Variants in ILDR2 observed in about 807,000 individuals in gnomAD.
ILDR2 encodes the protein immunoglobulin like domain containing receptor 2, also known as immunoglobulin-like domain-containing receptor 2.
In ILDR2, 25 loss-of-function variants were observed where a neutral mutation model predicts 66.8. The ratio of observed to expected loss-of-function variants is 0.37; its 90% CI spans 0.27 to 0.52. ILDR2 has a LOEUF of 0.52. Ranked by LOEUF, ILDR2 falls within the 20% of genes least tolerant of loss-of-function variation. The probability of loss-of-function intolerance (pLI) is 0.88; values close to 1 mark genes in which losing one functional copy is unlikely to be tolerated. For missense variants in ILDR2, 827 were observed against 876.8 expected, an observed-to-expected ratio of 0.94 and a Z score of 0.72; for synonymous variants, 367 against 357.2, an observed-to-expected ratio of 1.03 and a Z score of -0.31.
intron 1 of ILDR2, among the ~76,000 whole-genome samples, chr1:166,961,608 G>C (rs1662623398): frequency 6.6e-6 from 1 of 152,146 alleles, no homozygotes; most frequent in African/African-American, 2.4e-5. Context: ...CAGAATAATA[G>C]TAACTACCTT....
Position 166,936,837 on chromosome 1 carries a change from G to T in ILDR2, c.557-100C>A. 2 of 1,150,344 alleles carry T rather than the reference G, an allele frequency of 1.7e-6. No individual in the cohort carries two copies. Among genetic ancestry groups the T allele is most frequent in the Non-Finnish European group, 2.5e-6 (2 of 793,294 alleles). The allele number at this position is 1,150,344 out of a possible 1,614,324, so 71.3% of individuals were successfully genotyped here. ...CCCGGTGAAAGGGGGAGAGGAGGAG[G>T]GACCTAGGGAAGAAAGCTTCTCTTA... On this transcript the variant is annotated intron_variant, in intron 4 of 9. Transcript: ENST00000271417. The surrounding 1 kb of genome is among the most constrained non-coding windows in gnomAD (Gnocchi z 5.0).
chr1:166,957,876 A>G lies in ILDR2; in HGVS notation c.272T>C (p.Leu91Ser). 1 of 1,614,074 alleles carries G rather than the reference A, an allele frequency of 6.2e-7. No individual in the cohort carries two copies. Residue 91 changes from leucine to serine, a missense_variant, in exon 2 of 10, where the codon TTG (leucine) becomes TCG (serine). Leu to Ser is a moderately radical substitution (Grantham distance 145). Around this residue, in one of 2 missense-constraint regions of ILDR2, gnomAD observed 437 missense variants for 523.2 expected, o/e 0.84. Coordinates refer to ENST00000271417, the MANE Select transcript of ILDR2 (RefSeq NM_199351.3). ...SKRNLEWDPY[L>S]DCLDSRRTVR... ...AGTCCTCCTGCTGTCCAAACAATCC[A>G]AGTAGGGGTCCCATTCCAGGTTTCT...
In ILDR2 at chr1:166,964,184, A is replaced by G. The variant is rs1214633734; in HGVS notation, c.47-6083T>C. Among the ~76,000 whole-genome samples the G allele has an allele frequency of 3.9e-5, 6 of 152,172 alleles. No homozygotes were observed. The East Asian group carries it at 1.2e-3, about 29-fold the overall frequency. On this transcript the variant is annotated intron_variant, in intron 1 of 9. Coordinates refer to ENST00000271417, the MANE Select transcript of ILDR2 (RefSeq NM_199351.3). ...AGAATTCCTCACTAAAAGAAGCACT[A>G]GAATTGAAGACCACAGGTGGTTTTC...
At chr1:166,954,145 G>A (rs1437437824) in intron 3 of ILDR2, among the ~76,000 whole-genome samples, 1 of 152,090 alleles carries the variant, frequency 6.6e-6, no homozygotes, top group East Asian at 1.9e-4. Flanking sequence ...CAATGACTGA[G>A]CCAGTGGTTC....
intron 7 of ILDR2, among the ~76,000 whole-genome samples, chr1:166,923,535 G>A (rs114780393): frequency 0.021 from 3,181 of 152,314 alleles, 58 homozygotes; most frequent in Admixed American, 0.033. Context: ...TTTTCCAGGG[G>A]TATGTGTCCA....
intron 2 of ILDR2, among the ~76,000 whole-genome samples, chr1:166,900,745 A>G (rs1659251242): frequency 6.6e-6 from 1 of 152,202 alleles, no homozygotes; most frequent in Non-Finnish European, 1.5e-5. Context: ...GATTCCTAGG[A>G]CTTATATTAA....
At chr1:166,942,881 T>C (rs1661390222) in intron 3 of ILDR2, among the ~76,000 whole-genome samples, 1 of 152,236 alleles carries the variant, frequency 6.6e-6, no homozygotes, top group Non-Finnish European at 1.5e-5. Flanking sequence ...TAGACTTTTT[T>C]ACTTTTGTAA....
At position 166,960,625 on chromosome 1, in the gene ILDR2, T is replaced by A. The variant is rs562326329; in HGVS notation, c.47-2524A>T. ...CTAATTCTCCCTCACCTTGCCAAACTTTCCCCTCACCTCCCATCCTGAATC... is the reference window on the plus strand; with the variant it reads ...CTAATTCTCCCTCACCTTGCCAAACATTCCCCTCACCTCCCATCCTGAATC... On this transcript the variant is annotated intron_variant, in intron 1 of 9. Transcript: ENST00000271417. Among the ~76,000 whole-genome samples, 12 of 152,240 alleles carry A rather than the reference T, an allele frequency of 7.9e-5. No homozygotes were observed. In the East Asian group the frequency reaches 9.7e-4, roughly 12 times the overall value.
Position 166,921,175 on chromosome 1 carries a change from G to C in ILDR2, c.1416C>G (p.Asp472Glu), listed in dbSNP as rs1479210097. 9.0e-6 allele frequency: 14 copies of C among 1,559,594 alleles called. No individual in the cohort carries two copies. Among genetic ancestry groups the C allele is most frequent in the Non-Finnish European group, 1.1e-5 (13 of 1,160,000 alleles). ...GCTGACCGTAGTACTCCTCCAAGGA[G>C]TCGTCCTGGTAGAAGCCGCTGTGCG... is the stretch of plus-strand genomic sequence containing the variant. ...SRAHSGFYQD[D>E]SLEEYYGQRS... Residue 472 changes from aspartate (D) to glutamate (E), a missense_variant, in exon 9 of 10, where the codon GAC becomes GAG. Around this residue, in one of 2 missense-constraint regions of ILDR2, gnomAD observed 390 missense variants for 353.6 expected, o/e 1.10. Coordinates refer to ENST00000271417, the MANE Select transcript of ILDR2 (RefSeq NM_199351.3). The surrounding 1 kb of genome is among the most constrained non-coding windows in gnomAD (Gnocchi z 5.3).
intron 1 of ILDR2, among the ~76,000 whole-genome samples, chr1:166,972,363 C>T (rs534218363): frequency 1.3e-5 from 2 of 152,326 alleles, no homozygotes; most frequent in South Asian, 4.2e-4. Context: ...CTCACAGCCT[C>T]TGCTGCCAGG....
chr1:166,951,767 C>T (rs929010017), intron 3 of ILDR2, among the ~76,000 whole-genome samples: 1 of 152,146 alleles, frequency 6.6e-6, no homozygotes, highest in African/African-American at 2.4e-5. Context: ...TCTTGTTTAT[C>T]GTAATATCCC....
chr1:166,957,819 G>T lies in ILDR2; in HGVS notation c.329C>A (p.Thr110Asn). ...VRVVASKQGSTVTLGDFYRGR... is the reference protein window; with the variant it reads ...VRVVASKQGSNVTLGDFYRGR... Reference sequence around the variant, plus strand: ...CCTGTAGAAATCTCCCAGGGTGACAGTCGAGCCCTGTTTTGAAGCTACTAC... The same window carrying T: ...CCTGTAGAAATCTCCCAGGGTGACATTCGAGCCCTGTTTTGAAGCTACTAC... Residue 110 changes from threonine (T) to asparagine (N), a missense_variant, in exon 2 of 10, where the codon ACT becomes AAT. Thr to Asn is a moderately conservative substitution (Grantham distance 65, BLOSUM62 0). Coordinates refer to ENST00000271417, the MANE Select transcript of ILDR2 (RefSeq NM_199351.3). The T allele has an allele frequency of 6.2e-7, 1 of 1,614,174 alleles. No individual in the cohort carries two copies. The highest frequency in any genetic ancestry group is 8.5e-7 in the Non-Finnish European group (1 of 1,180,012).
In ILDR2 at chr1:166,956,793, T is replaced by C; in HGVS notation, c.439A>G (p.Ile147Val). 6.2e-7 allele frequency: 1 copy of C among 1,614,056 alleles called. No homozygotes were observed. Among genetic ancestry groups the C allele is most frequent in the Non-Finnish European group, 8.5e-7 (1 of 1,179,940 alleles). ...WGDSGLYYCI[I>V]TTPDDLEGKN... The stretch of plus-strand genomic sequence containing the variant: ...CCCTCCAGGTCATCTGGGGTGGTGA[T>C]AATACAGTAATAGAGTCCGCTGTCT... Residue 147 changes from isoleucine (I) to valine (V), a missense_variant, in exon 3 of 10, where the codon ATC becomes GTC. Around this residue, in one of 2 missense-constraint regions of ILDR2, gnomAD observed 437 missense variants for 523.2 expected, o/e 0.84. Transcript: ENST00000271417.
At position 166,917,383 on chromosome 1, in the gene ILDR2, G is replaced by C. The variant is rs756086679; in HGVS notation, c.*1972C>G. 5 of 152,200 alleles carry C rather than the reference G, an allele frequency of 3.3e-5. No individual in the cohort carries two copies. The highest frequency in any genetic ancestry group is 6.5e-5 in the Admixed American group (1 of 15,280). 9.4% of individuals were successfully genotyped at this position (152,200 alleles called of 1,614,324 possible). On this transcript the variant is annotated 3_prime_UTR_variant, in exon 10 of 10. Coordinates refer to ENST00000271417, the MANE Select transcript of ILDR2 (RefSeq NM_199351.3). ...TGTCATGAAGTACAAATGGATACTAGAGGAATGGTACTTTGAGAATAGGGT... is the reference window on the plus strand; with the variant it reads ...TGTCATGAAGTACAAATGGATACTACAGGAATGGTACTTTGAGAATAGGGT...
rs573190121 is a variant in ILDR2, at chr1:166,926,540, T to C, written c.994+527A>G. Among the ~76,000 whole-genome samples the C allele has an allele frequency of 7.2e-5, 11 of 152,096 alleles. No individual in the cohort carries two copies. The South Asian group carries it at 1.7e-3, about 23-fold the overall frequency. On this transcript the variant is annotated intron_variant, in intron 7 of 9. Transcript: ENST00000271417. ...TTCTTTCACTTTCAGGAGGCCTCCA[T>C]GCAGCGAGTTGGTGGTTGTATTATC...
chr1:166,909,722 TG>T lies in ILDR2; in HGVS notation c.*9632del, dbSNP rs1277813800. On this transcript the variant is annotated 3_prime_UTR_variant, in exon 10 of 10. Coordinates refer to ENST00000271417, the MANE Select transcript of ILDR2 (RefSeq NM_199351.3). ...TAATAGAAATTGACATATATATGTGTGTGTGTATACATACATATATATATAT... is the reference window on the plus strand; with the variant it reads ...TAATAGAAATTGACATATATATGTGTTGTGTATACATACATATATATATAT... 7.2e-6 allele frequency: 1 copy of T among 138,846 alleles called. No individual in the cohort carries two copies. The highest frequency in any genetic ancestry group is 2.7e-5 in the African/African-American group (1 of 36,862). 8.6% of individuals were successfully genotyped at this position (138,846 alleles called of 1,614,324 possible). A position where few individuals can be genotyped will look rare whatever the true frequency, so the allele number is the denominator to read the frequency against.
chr1:166,896,396 C>A (rs990499282), intron 2 of ILDR2, among the ~76,000 whole-genome samples: 2 of 152,068 alleles, frequency 1.3e-5, no homozygotes, highest in Non-Finnish European at 2.9e-5. Context: ...TTGGATGCCA[C>A]AAGCTGGAAG....
At position 166,919,191 on chromosome 1, in the gene ILDR2, C is replaced by G; in HGVS notation, c.*164G>C. On this transcript the variant is annotated 3_prime_UTR_variant, in exon 10 of 10. Transcript: ENST00000271417. ...TTAGATGGGCACAGAGGTTTGAAAT[C>G]AGCCTCCCTTAAAGGCTGCCTGCCA... 1.6e-6 allele frequency: 1 copy of G among 628,934 alleles called. No individual in the cohort carries two copies. Among genetic ancestry groups the G allele is most frequent in the Non-Finnish European group, 2.8e-6 (1 of 351,966 alleles). The allele number at this position is 628,934 out of a possible 1,614,324, so 39.0% of individuals were successfully genotyped here.
In ILDR2 at chr1:166,918,104, C is replaced by T. The variant is rs968486690; in HGVS notation, c.*1251G>A. The stretch of plus-strand genomic sequence containing the variant: ...TGGCCATTTTTGCTATCTACACAAA[C>T]GATAAAATCCAGAGATCTAGCTTTG... On this transcript the variant is annotated 3_prime_UTR_variant, in exon 10 of 10. Transcript: ENST00000271417. The T allele has an allele frequency of 7.9e-5, 12 of 152,296 alleles. No homozygotes were observed. The highest frequency in any genetic ancestry group is 3.9e-4 in the East Asian group (2 of 5,192). The allele number at this position is 152,296 out of a possible 1,614,324, so 9.4% of individuals were successfully genotyped here.
Sources: allele counts gnomAD v4.1 joint callset (sites outside exome capture counted in the v4.1 genomes callset), GRCh38; gene constraint gnomAD v4.1.1; regional missense constraint gnomAD v4.1.1; non-coding constraint Gnocchi (gnomAD v3.1); transcripts MANE v1.5; gene names NCBI Gene and HGNC (gene_info 2026-07-23, HGNC 2026-07-21).